The following THBS4 variants were observed in gnomAD, a reference collection of about 807,000 sequenced individuals.
The protein encoded by THBS4 is thrombospondin-4.
In THBS4, 90 loss-of-function variants were observed where a neutral mutation model predicts 115.7. That is an observed-to-expected ratio of 0.78 (90% CI 0.66 to 0.93). The LOEUF (loss-of-function observed/expected upper bound fraction) is 0.93, where lower values mean the gene tolerates loss of function less well. Ranked by LOEUF, THBS4 falls within the 40% of genes least tolerant of loss-of-function variation. The pLI is 0.00. For synonymous variants in THBS4, 460 were observed against 479.3 expected, an observed-to-expected ratio of 0.96 and a Z score of 0.53; for missense variants, 1,087 against 1,232.7, an observed-to-expected ratio of 0.88 and a Z score of 1.77.
At chr5:80,065,760 T>C (rs1833797066) in intron 9 of THBS4, among the ~76,000 whole-genome samples, 1 of 152,222 alleles carries the variant, frequency 6.6e-6, no homozygotes, top group Admixed American at 6.5e-5. Flanking sequence ...TAATTATTAC[T>C]CCTGTATTTT....
chr5:80,016,569 A>G (rs1316310959), intron 2 of THBS4, among the ~76,000 whole-genome samples: 3 of 152,172 alleles, frequency 2.0e-5, no homozygotes, highest in Non-Finnish European at 2.9e-5. Flanking sequence ...ACTGATGACA[A>G]TTTCTGTTTG....
intron 2 of THBS4, among the ~76,000 whole-genome samples, chr5:80,002,687 G>A (rs1831926273): frequency 6.7e-6 from 1 of 149,134 alleles, no homozygotes; most frequent in Admixed American, 6.7e-5. Context: ...ATTGTGGTGA[G>A]TCCTGTAATT....
chr5:80,070,545 A>G (rs1454128502), intron 11 of THBS4, 98 bp from the exon 12 acceptor site: 2 of 1,383,676 alleles, frequency 1.4e-6, no homozygotes, highest in East Asian at 2.3e-5. Context: ...GAAGTGAAAC[A>G]GCCACCAACA....
At chr5:80,018,242 A>G (rs1246736441) in intron 2 of THBS4, among the ~76,000 whole-genome samples, 1 of 151,466 alleles carries the variant, frequency 6.6e-6, no homozygotes, top group Admixed American at 6.6e-5. Flanking sequence ...TTGAAATCTC[A>G]TTTCTCTGTA....
rs199928123 is a variant in THBS4, at chr5:80,071,222, G to T, written c.1720+42G>T. On this transcript the variant is annotated intron_variant, in intron 13 of 21. Transcript: ENST00000350881. ...TTTGTCTTTTATTTGGAATTCAGTT[G>T]ACCTTGTTCCATTGTTCTCTGAGAG... 7.1e-6 allele frequency: 11 copies of T among 1,546,334 alleles called. No homozygotes were observed. In the East Asian group the frequency reaches 1.6e-4, roughly 23 times the overall value.
chr5:80,044,019 T>G (rs1253546183), intron 2 of THBS4, among the ~76,000 whole-genome samples: 1 of 152,142 alleles, frequency 6.6e-6, no homozygotes, highest in East Asian at 1.9e-4. Context: ...CCTCCATCCT[T>G]TTGTTCCTGC....
intron 2 of THBS4, among the ~76,000 whole-genome samples, chr5:80,015,896 C>T (rs1489897890): frequency 4.6e-5 from 7 of 152,216 alleles, no homozygotes; most frequent in Admixed American, 3.3e-4. Context: ...CTGGCAAGTA[C>T]ATTCTTAGAC....
chr5:80,002,191 A>G (rs1466942777), intron 2 of THBS4, among the ~76,000 whole-genome samples: 1 of 152,102 alleles, frequency 6.6e-6, no homozygotes, highest in Non-Finnish European at 1.5e-5. Context: ...ACTGGTGGGT[A>G]CCCTACAACA....
At chr5:80,040,007 A>C (rs1832842154) in intron 1 of THBS4, 70 bp from the exon 2 acceptor site, 12 of 1,412,230 alleles carry the variant, frequency 8.5e-6, no homozygotes, top group Admixed American at 5.2e-5. Flanking sequence ...CACCCCCCCC[A>C]AACAAAGAAA....
intron 1 of THBS4, among the ~76,000 whole-genome samples, chr5:80,036,378 G>T (rs1832719154): frequency 6.6e-6 from 1 of 152,150 alleles, no homozygotes; most frequent in South Asian, 2.1e-4. Flanking sequence ...GACTCCAAAA[G>T]TAGGGGGGAA....
chr5:80,070,861 C>T, intron 12 of THBS4, 111 bp downstream of exon 12: 1 of 1,556,706 alleles, frequency 6.4e-7, no homozygotes, highest in Non-Finnish European at 8.8e-7. Context: ...GTTTCCATGC[C>T]TGCATTCCAC....
At position 79,995,034 on chromosome 5, in the gene THBS4, A is replaced by G. The variant is rs75224089; in HGVS notation, n.82-3298A>G. ...GCTATATAAGTGAAGGCATAGAAAC[A>G]GGACTGACTATGGCAAGGAATCTGA... On this transcript the variant is annotated intron_variant and non_coding_transcript_variant, in intron 1 of 3. Coordinates refer to the THBS4 transcript ENST00000510218. 5.7e-3 allele frequency among the ~76,000 whole-genome samples: 868 copies of G among 152,362 alleles called. 12 individuals carry two copies. The highest frequency in any genetic ancestry group is 0.02 in the African/African-American group (830 of 41,586).
upstream of THBS4, among the ~76,000 whole-genome samples, chr5:80,034,201 G>A (rs966957505): frequency 2.6e-5 from 4 of 152,170 alleles, no homozygotes; most frequent in East Asian, 7.7e-4. Flanking sequence ...TGGCATTAAA[G>A]GAACCCTGGA....
chr5:80,080,239 G>A (rs1743420364), intron 20 of THBS4, 162 bp downstream of exon 20: 1 of 848,176 alleles, frequency 1.2e-6, no homozygotes, highest in Non-Finnish European at 1.8e-6. Flanking sequence ...AAAAGAGGTG[G>A]GAGAGAAGAT....
chr5:80,058,863 C>T, intron 5 of THBS4, 73 bp downstream of exon 5: 1 of 1,411,308 alleles, frequency 7.1e-7, no homozygotes, highest in South Asian at 1.3e-5. Flanking sequence ...AGTGGAGCTG[C>T]AGGCCTGCCC....
chr5:80,010,453 A>G (rs527514692), intron 2 of THBS4, among the ~76,000 whole-genome samples: 9 of 152,206 alleles, frequency 5.9e-5, no homozygotes, highest in Admixed American at 2.0e-4. Context: ...AGTACTTTCT[A>G]TCTTGTTGCT....
In THBS4 at chr5:80,059,423, C is replaced by T. The variant is rs1443395467; in HGVS notation, c.733-17C>T. Reference sequence around the variant, plus strand: ...GCATTCCTTTTCAATCCTTTTTTCCCCTTCTCATTTTTAAAGGTTAAGGAA... The same window carrying T: ...GCATTCCTTTTCAATCCTTTTTTCCTCTTCTCATTTTTAAAGGTTAAGGAA... On this transcript the variant is annotated splice_polypyrimidine_tract_variant and intron_variant, in intron 5 of 21. Transcript: ENST00000350881. 1 of 1,612,004 alleles carries T rather than the reference C, an allele frequency of 6.2e-7. No homozygotes were observed. The highest frequency in any genetic ancestry group is 1.3e-5 in the African/African-American group (1 of 74,730).
intron 2 of THBS4, among the ~76,000 whole-genome samples, chr5:80,015,583 A>G (rs1415570585): frequency 2.6e-5 from 4 of 152,166 alleles, no homozygotes; most frequent in Non-Finnish European, 5.9e-5. Flanking sequence ...AAACCTCCTT[A>G]TAATACTTTG....
intron 10 of THBS4, chr5:80,068,880 C>G (rs938864819): frequency 6.5e-6 from 1 of 153,538 alleles, no homozygotes; most frequent in African/African-American, 2.4e-5. Context: ...CATCCATTCC[C>G]AAATCCAAGG....
Sources: allele counts gnomAD v4.1 joint callset (sites outside exome capture counted in the v4.1 genomes callset), GRCh38; gene constraint gnomAD v4.1.1; transcripts MANE v1.5; gene names NCBI Gene and HGNC (gene_info 2026-07-23, HGNC 2026-07-21).